Variants in DDR2 observed in about 807,000 individuals in gnomAD.
DDR2 encodes the protein discoidin domain-containing receptor 2.
Under a neutral mutation model 94.9 loss-of-function variants are expected in DDR2, and 27 were observed. The ratio of observed to expected loss-of-function variants is 0.28; its 90% confidence interval spans 0.21 to 0.39. The LOEUF is 0.39. Ranked by LOEUF, DDR2 falls within the 10% of genes least tolerant of loss-of-function variation. The pLI is 1.00. For missense variants in DDR2, 783 were observed against 1,076.0 expected (o/e 0.73, Z 3.81); for synonymous variants, 382 against 377.2 (o/e 1.01, Z -0.15).
intron 2 of DDR2, among the ~76,000 whole-genome samples, chr1:162,677,410 C>T (rs1659186288): frequency 1.3e-5 from 2 of 152,124 alleles, no homozygotes; most frequent in African/African-American, 2.4e-5. Flanking sequence ...TTTTATTTGT[C>T]AATGGATTTA....
Position 162,773,524 on chromosome 1 carries a change from T to C in DDR2, c.1784T>C (p.Leu595Pro). Residue 595 changes from leucine to proline, a missense_variant, in exon 14 of 18, where the codon CTA (leucine) becomes CCA (proline). By Grantham distance (98) the Leu-to-Pro change is moderately conservative (BLOSUM62 -3). Around this residue, in one of 2 missense-constraint regions of DDR2, gnomAD observed 264 missense variants for 428.2 expected, o/e 0.62. Transcript: ENST00000367921. ...MEKFKDKDFA[L>P]DVSANQPVLV... is the part of the protein sequence containing the mutation. ...AAATTCAAAGACAAAGATTTTGCCC[T>C]AGATGTCAGTGCCAACCAGCCTGTC... The C allele has an allele frequency of 6.2e-7, 1 of 1,614,130 alleles. No homozygotes were observed.
At chr1:162,668,805 T>C (rs1473698417) in intron 2 of DDR2, among the ~76,000 whole-genome samples, 2 of 152,212 alleles carry the variant, frequency 1.3e-5, no homozygotes, top group Non-Finnish European at 2.9e-5. Context: ...CTTAACTCTT[T>C]GGTTCCTTAT....
chr1:162,639,828 T>C (rs372886958), intron 1 of DDR2, among the ~76,000 whole-genome samples: 4 of 152,308 alleles, frequency 2.6e-5, no homozygotes, highest in Middle Eastern at 3.4e-3. Context: ...CTGAATTTCA[T>C]TGGACAAAAC....
chr1:162,692,797 A>G (rs1215106632), intron 2 of DDR2, among the ~76,000 whole-genome samples: 1 of 152,244 alleles, frequency 6.6e-6, no homozygotes, highest in Non-Finnish European at 1.5e-5. Flanking sequence ...ACCATACTCT[A>G]TGACCCAGCA....
intron 2 of DDR2, among the ~76,000 whole-genome samples, chr1:162,681,130 C>T (rs1318013107): frequency 3.3e-5 from 5 of 152,184 alleles, no homozygotes; most frequent in Non-Finnish European, 7.4e-5. Flanking sequence ...TCTTAACCTT[C>T]CTGGATCTGT....
rs1403585735 is a variant in DDR2 at position 162,721,806 on chromosome 1, T to C, written c.82+2661T>C. On this transcript the variant is annotated intron_variant, in intron 3 of 17. Transcript: ENST00000367921. ...ACCTGAGTTATAAGCAAATCCAATA[T>C]GCAACCAATTATTAAATTACTGAAA... is the stretch of plus-strand genomic sequence containing the variant. 2.6e-5 allele frequency among the ~76,000 whole-genome samples: 4 copies of C among 152,230 alleles called. No homozygotes were observed. In the East Asian group the frequency reaches 5.8e-4, roughly 22 times the overall value.
At chr1:162,731,853 T>C (rs553049635) in intron 3 of DDR2, among the ~76,000 whole-genome samples, 1 of 152,322 alleles carries the variant, frequency 6.6e-6, no homozygotes, top group East Asian at 1.9e-4. Flanking sequence ...AATTCAGAAG[T>C]GGCAGAGCCA....
At chr1:162,734,792 G>A (rs1465617292) in intron 3 of DDR2, among the ~76,000 whole-genome samples, 2 of 152,210 alleles carry the variant, frequency 1.3e-5, no homozygotes, top group Non-Finnish European at 2.9e-5. Context: ...AGGCCAGAGA[G>A]TAGGCTGAGA....
intron 2 of DDR2, 78 bp from the exon 3 acceptor site, chr1:162,718,959 C>A: frequency 1.5e-6 from 2 of 1,358,390 alleles, no homozygotes; most frequent in Non-Finnish European, 2.1e-6. Flanking sequence ...GAATTGTACT[C>A]ATTCATGTTG....
intron 2 of DDR2, among the ~76,000 whole-genome samples, chr1:162,684,812 AACACACACACACAC>A (rs56958157): frequency 0.04 from 5,551 of 138,016 alleles, 200 homozygotes; most frequent in East Asian, 0.14. Flanking sequence ...CACACCCACC[AACACACACACACAC>A]ACACACACAC....
At chr1:162,648,382 G>T (rs1657519328) in intron 1 of DDR2, among the ~76,000 whole-genome samples, 1 of 152,176 alleles carries the variant, frequency 6.6e-6, no homozygotes, top group African/African-American at 2.4e-5. Flanking sequence ...CAGGAGCCTA[G>T]GGTGGTGGGA....
At chr1:162,741,835 A>G in intron 3 of DDR2, 3 of 760,624 alleles carry the variant, frequency 3.9e-6, no homozygotes, top group Non-Finnish European at 4.8e-6. Flanking sequence ...CTCTTTATTC[A>G]TTAAGTCACT....
chr1:162,773,297 A>G (rs1647331948), intron 13 of DDR2, among the ~76,000 whole-genome samples, 172 bp from the exon 14 acceptor site: 1 of 152,180 alleles, frequency 6.6e-6, no homozygotes, highest in African/African-American at 2.4e-5. Flanking sequence ...CCATTGTTTT[A>G]AATCTTATCA....
chr1:162,648,939 A>G (rs1381378038), intron 1 of DDR2, among the ~76,000 whole-genome samples: 1 of 152,144 alleles, frequency 6.6e-6, no homozygotes, highest in Non-Finnish European at 1.5e-5. Context: ...GGCAGAGCAG[A>G]TGGCTCTGGA....
At position 162,786,358 on chromosome 1, in the gene DDR2, T is replaced by C. The variant is rs1392699521; in HGVS notation, c.*6112T>C. The C allele has an allele frequency of 6.6e-6, 1 of 152,226 alleles. No individual in the cohort carries two copies. Among genetic ancestry groups the C allele is most frequent in the East Asian group, 1.9e-4 (1 of 5,204 alleles). The allele number at this position is 152,226 out of a possible 1,614,324, so 9.4% of individuals were successfully genotyped here. A position where few individuals can be genotyped will look rare whatever the true frequency, so the allele number is the denominator to read the frequency against. ...ACATCTGGGCCCCCTTCTGCAGGCT[T>C]TGGAAGATGATGTGTCTTGTCAAGG... is the stretch of plus-strand genomic sequence containing the variant. On this transcript the variant is annotated 3_prime_UTR_variant, in exon 18 of 18. Coordinates refer to ENST00000367921, the MANE Select transcript of DDR2 (RefSeq NM_006182.4).
At position 162,756,228 on chromosome 1, in the gene DDR2, A is replaced by G. The variant is rs528034974; in HGVS notation, c.671+459A>G. 3.3e-5 allele frequency among the ~76,000 whole-genome samples: 5 copies of G among 152,348 alleles called. No individual in the cohort carries two copies. In the East Asian group the frequency reaches 9.6e-4, roughly 29 times the overall value. Reference sequence around the variant, plus strand: ...TAAAAAGGGGACTAGTAAGACTTACAATAGACAAGGAAAGTTCTAGGTTAA... The same window carrying G: ...TAAAAAGGGGACTAGTAAGACTTACGATAGACAAGGAAAGTTCTAGGTTAA... On this transcript the variant is annotated intron_variant, in intron 7 of 17. Transcript: ENST00000367921.
intron 2 of DDR2, among the ~76,000 whole-genome samples, chr1:162,661,863 TC>T (rs1658310703): frequency 6.6e-6 from 1 of 152,236 alleles, no homozygotes; most frequent in Non-Finnish European, 1.5e-5. Flanking sequence ...TCTGTGGGAA[TC>T]TTTGCTGTAG....
chr1:162,749,423 C>T (rs1195652000), intron 3 of DDR2, among the ~76,000 whole-genome samples: 1 of 152,160 alleles, frequency 6.6e-6, no homozygotes, highest in Admixed American at 6.5e-5. Context: ...GGATAAATTC[C>T]TGGACATATA....
chr1:162,714,162 T>C (rs546804907), intron 2 of DDR2, among the ~76,000 whole-genome samples: 14 of 152,198 alleles, frequency 9.2e-5, no homozygotes, highest in Admixed American at 2.0e-4. Flanking sequence ...AAATGATTTA[T>C]AGAGATTATT....
Sources: allele counts gnomAD v4.1 joint callset (sites outside exome capture counted in the v4.1 genomes callset), GRCh38; gene constraint gnomAD v4.1.1; regional missense constraint gnomAD v4.1.1; transcripts MANE v1.5; gene names NCBI Gene and HGNC (gene_info 2026-07-23, HGNC 2026-07-21).